Variants in FHIT observed in about 807,000 individuals in gnomAD.
FHIT encodes fragile histidine triad diadenosine triphosphatase.
In FHIT, 19 loss-of-function variants were observed where a neutral mutation model predicts 17.9. The ratio of observed to expected loss-of-function variants is 1.06; its 90% CI spans 0.74 to 1.56. FHIT has a LOEUF of 1.56. Among genes scored for constraint, FHIT ranks in the 40% most tolerant of loss-of-function variants. The probability of loss-of-function intolerance (pLI) is 0.00; values close to 1 mark genes in which losing one functional copy is unlikely to be tolerated. For missense variants in FHIT, 248 were observed against 189.2 expected (o/e 1.31, Z -1.82); for synonymous variants, 81 against 69.7 (o/e 1.16, Z -0.81).
At chr3:60,671,656 T>C (rs2040507112) in intron 4 of FHIT, among the ~76,000 whole-genome samples, 1 of 152,038 alleles carries the variant, frequency 6.6e-6, no homozygotes, top group Admixed American at 6.6e-5. Context: ...TTTAGAATTA[T>C]TGGCCGGGTG....
At chr3:60,009,710 C>A (rs1051146304) in intron 7 of FHIT, among the ~76,000 whole-genome samples, 17 of 152,136 alleles carry the variant, frequency 1.1e-4, no homozygotes, top group African/African-American at 3.6e-4. Flanking sequence ...ATTATATTCA[C>A]AATGTTGCAC....
chr3:60,249,273 G>T (rs1019618408), intron 5 of FHIT, among the ~76,000 whole-genome samples: 14 of 152,074 alleles, frequency 9.2e-5, no homozygotes, highest in African/African-American at 3.4e-4. Flanking sequence ...AAAGTTGGGG[G>T]AATGAACTAT....
chr3:60,368,940 C>A (rs1444975901), intron 5 of FHIT, among the ~76,000 whole-genome samples: 1 of 151,826 alleles, frequency 6.6e-6, no homozygotes, highest in Non-Finnish European at 1.5e-5. Flanking sequence ...CTGTTAACTC[C>A]ATTCAGTATA....
chr3:60,853,171 G>C (rs1553748921), intron 3 of FHIT, among the ~76,000 whole-genome samples: 2 of 151,846 alleles, frequency 1.3e-5, no homozygotes, highest in African/African-American at 4.8e-5. Flanking sequence ...TCTTCCCTTG[G>C]TTCAAAACAG....
chr3:60,048,996 C>A (rs1295575907), intron 5 of FHIT, among the ~76,000 whole-genome samples: 1 of 152,152 alleles, frequency 6.6e-6, no homozygotes, highest in East Asian at 1.9e-4. Context: ...AGCTCCTTAA[C>A]CCACAGCACA....
chr3:59,984,890 C>T (rs1387571500), intron 7 of FHIT, among the ~76,000 whole-genome samples: 2 of 152,042 alleles, frequency 1.3e-5, no homozygotes, highest in Non-Finnish European at 2.9e-5. Context: ...AATGTGGTCC[C>T]TAATCTTAAG....
In FHIT at chr3:61,138,487, G is replaced by A. The variant is rs74591190; in HGVS notation, c.-164+62130C>T. ...CACCTCATGGCCCTGAGCAAGGCTCGTATTTAAAACACACAGCTGCCTGTC... is the reference window on the plus strand; with the variant it reads ...CACCTCATGGCCCTGAGCAAGGCTCATATTTAAAACACACAGCTGCCTGTC... On this transcript the variant is annotated intron_variant, in intron 2 of 9. Coordinates refer to ENST00000492590, the MANE Select transcript of FHIT (RefSeq NM_002012.4). 9.5e-3 allele frequency among the ~76,000 whole-genome samples: 1,453 copies of A among 152,300 alleles called. 14 individuals are homozygous for A. Among genetic ancestry groups the A allele is most frequent in the Middle Eastern group, 0.02 (6 of 294 alleles).
At chr3:60,508,395 A>G (rs1407510552) in intron 5 of FHIT, among the ~76,000 whole-genome samples, 3 of 152,198 alleles carry the variant, frequency 2.0e-5, no homozygotes, top group African/African-American at 4.8e-5. Context: ...CTACTTGAAA[A>G]TAACCCATAA....
At chr3:59,905,851 A>T (rs1018178781) in intron 8 of FHIT, among the ~76,000 whole-genome samples, 3 of 152,244 alleles carry the variant, frequency 2.0e-5, no homozygotes, top group Non-Finnish European at 4.4e-5. Context: ...AAGTTTCTAT[A>T]CTTGAATGAT....
intron 5 of FHIT, among the ~76,000 whole-genome samples, chr3:60,529,058 A>C (rs2035675451): frequency 6.6e-6 from 1 of 152,206 alleles, no homozygotes; most frequent in South Asian, 2.1e-4. Context: ...AAATCTCACA[A>C]AGATAGTTTA....
At chr3:60,019,280 G>T (rs1700462866) in intron 5 of FHIT, among the ~76,000 whole-genome samples, 2 of 151,992 alleles carry the variant, frequency 1.3e-5, no homozygotes. Context: ...CTAAAAGGAG[G>T]AGTGGAAAGA....
At chr3:59,913,210 TGG>T (rs1704964831) in intron 8 of FHIT, among the ~76,000 whole-genome samples, 1 of 152,096 alleles carries the variant, frequency 6.6e-6, no homozygotes, top group Non-Finnish European at 1.5e-5. Context: ...GTGTCGTGTG[TGG>T]GTGTGTGTGT....
intron 1 of FHIT, among the ~76,000 whole-genome samples, chr3:61,219,774 T>C (rs1229914971): frequency 1.3e-5 from 2 of 152,224 alleles, no homozygotes; most frequent in Non-Finnish European, 2.9e-5. Context: ...TTTCAGAGGA[T>C]AGCCCTCCAA....
At chr3:59,930,289 G>A (rs1450752557) in intron 7 of FHIT, among the ~76,000 whole-genome samples, 1 of 152,132 alleles carries the variant, frequency 6.6e-6, no homozygotes, top group Admixed American at 6.5e-5. Context: ...CAGCCATGGT[G>A]GGTGGGGGTA....
At chr3:60,201,174 A>T (rs1043728676) in intron 5 of FHIT, among the ~76,000 whole-genome samples, 3 of 152,134 alleles carry the variant, frequency 2.0e-5, no homozygotes, top group African/African-American at 7.2e-5. Context: ...ACCACTATGT[A>T]TAACAACACG....
chr3:60,754,049 T>C (rs1553717663), intron 4 of FHIT, among the ~76,000 whole-genome samples: 4 of 152,182 alleles, frequency 2.6e-5, no homozygotes, highest in African/African-American at 7.2e-5. Context: ...AGATCTGTTT[T>C]CAATTTAACA....
intron 5 of FHIT, among the ~76,000 whole-genome samples, chr3:60,476,616 T>C (rs2033356326): frequency 6.6e-6 from 1 of 152,112 alleles, no homozygotes; most frequent in African/African-American, 2.4e-5. Flanking sequence ...AGGAGGGGTA[T>C]TCAAGGAGAG....
At chr3:61,017,539 G>A (rs141269595) in intron 3 of FHIT, among the ~76,000 whole-genome samples, 1 of 152,320 alleles carries the variant, frequency 6.6e-6, no homozygotes, top group Non-Finnish European at 1.5e-5. Context: ...GGAATCCGAT[G>A]TATCATTCAC....
rs1216717609 is a variant in FHIT, at chr3:60,536,792, T to C, written c.103+68A>G. ...AGACTGGAGGCCAATCTTGTATTTA[T>C]ATTCATTTGGCTGGTTAGGCTCAGA... On this transcript the variant is annotated intron_variant, in intron 5 of 9. Transcript: ENST00000492590. 2.7e-6 allele frequency: 4 copies of C among 1,500,416 alleles called. No homozygotes were observed. In the East Asian group the frequency reaches 6.9e-5, roughly 26 times the overall value. The allele number at this position is 1,500,416 out of a possible 1,614,324, so 92.9% of individuals were successfully genotyped here. A position where few individuals can be genotyped will look rare whatever the true frequency, so the allele number is the denominator to read the frequency against.
Sources: allele counts gnomAD v4.1 joint callset (sites outside exome capture counted in the v4.1 genomes callset), GRCh38; gene constraint gnomAD v4.1.1; transcripts MANE v1.5; gene names NCBI Gene and HGNC (gene_info 2026-07-23, HGNC 2026-07-21).